The following UBE2QL1 variants were observed in gnomAD, a reference collection of about 807,000 sequenced individuals.
The protein encoded by UBE2QL1 is ubiquitin-conjugating enzyme E2Q-like protein 1.
In UBE2QL1, 5 loss-of-function variants were observed where a neutral mutation model predicts 12.6. The ratio of observed to expected loss-of-function variants is 0.40; its 90% CI spans 0.21 to 0.83. The LOEUF (loss-of-function observed/expected upper bound fraction) is 0.83, where lower values mean the gene tolerates loss of function less well. UBE2QL1 is among the 40% of genes least tolerant of loss of function. The pLI is 0.37. For missense variants in UBE2QL1, 99 were observed against 222.6 expected, an observed-to-expected ratio of 0.44 and a Z score of 3.53; for synonymous variants, 96 against 94.5, an observed-to-expected ratio of 1.02 and a Z score of -0.10.
intron 1 of UBE2QL1, among the ~76,000 whole-genome samples, chr5:6,463,660 C>T (rs2126339035): frequency 6.7e-6 from 1 of 148,542 alleles, no homozygotes; most frequent in East Asian, 2.0e-4. Context: ...CGGAGTCTTG[C>T]TCTGTCGCCC....
chr5:6,452,529 T>G (rs1205122647), intron 1 of UBE2QL1, among the ~76,000 whole-genome samples: 3 of 152,238 alleles, frequency 2.0e-5, no homozygotes, highest in African/African-American at 2.4e-5. Context: ...AAAAGTATAC[T>G]TTTAGATAAT....
intron 1 of UBE2QL1, among the ~76,000 whole-genome samples, chr5:6,464,850 C>T (rs1399532158): frequency 1.3e-5 from 2 of 152,226 alleles, no homozygotes; most frequent in Admixed American, 6.5e-5. Flanking sequence ...ATTCGTAGCT[C>T]TGCAGGGCCA....
rs1413018584 is a variant in UBE2QL1, at chr5:6,492,334, T to A, written c.*985T>A. ...AGTGATCATACGATGATTTGCATGATCGGGTCTATTTCACCCAATAGTCAC... is the reference window on the plus strand; with the variant it reads ...AGTGATCATACGATGATTTGCATGAACGGGTCTATTTCACCCAATAGTCAC... On this transcript the variant is annotated 3_prime_UTR_variant, in exon 2 of 2. Transcript: ENST00000399816. 2.6e-5 allele frequency: 4 copies of A among 152,256 alleles called. No individual in the cohort carries two copies. The East Asian group carries it at 7.7e-4, about 29-fold the overall frequency. The allele number at this position is 152,256 out of a possible 1,614,324, so 9.4% of individuals were successfully genotyped here.
At chr5:6,477,721 G>A (rs1022461040) in intron 1 of UBE2QL1, among the ~76,000 whole-genome samples, 5 of 152,198 alleles carry the variant, frequency 3.3e-5, no homozygotes, top group Non-Finnish European at 5.9e-5. Context: ...GGCTGCAGGC[G>A]GGAATTTCAA....
Position 6,495,353 on chromosome 5 carries a change from G to A in UBE2QL1, c.*4004G>A, listed in dbSNP as rs182231998. On this transcript the variant is annotated 3_prime_UTR_variant, in exon 2 of 2. Coordinates refer to ENST00000399816, the MANE Select transcript of UBE2QL1 (RefSeq NM_001145161.3). ...TTAATGGAATTTGCTTTCTAAAGGG[G>A]CAGAGCTTACTTCCTGACTGTAGTG... 7.2e-5 allele frequency among the ~76,000 whole-genome samples: 11 copies of A among 152,280 alleles called. No individual in the cohort carries two copies. The highest frequency in any genetic ancestry group is 1.3e-4 in the Non-Finnish European group (9 of 68,018).
intron 1 of UBE2QL1, among the ~76,000 whole-genome samples, chr5:6,470,574 C>A (rs535275): frequency 0.1 from 15,603 of 152,190 alleles, 1,223 homozygotes; most frequent in East Asian, 0.3. Context: ...CAGCAGTGGG[C>A]CCATGCTGTT....
chr5:6,494,271 A>C lies in UBE2QL1; in HGVS notation c.*2922A>C, dbSNP rs1176157483. 6.6e-6 allele frequency: 1 copy of C among 152,148 alleles called. No homozygotes were observed. The highest frequency in any genetic ancestry group is 2.4e-5 in the African/African-American group (1 of 41,430). 9.4% of individuals were successfully genotyped at this position (152,148 alleles called of 1,614,324 possible). Reference sequence around the variant, plus strand: ...ACTGAGAACTGCTTATGCCTTAGGGAGTTCTATGTGAGCAGCAAGGTTATT... The same window carrying C: ...ACTGAGAACTGCTTATGCCTTAGGGCGTTCTATGTGAGCAGCAAGGTTATT... On this transcript the variant is annotated 3_prime_UTR_variant, in exon 2 of 2. Coordinates refer to ENST00000399816, the MANE Select transcript of UBE2QL1 (RefSeq NM_001145161.3).
In UBE2QL1 at chr5:6,480,925, A is replaced by T. The variant is rs372850378; in HGVS notation, c.355-10293A>T. 9.2e-5 allele frequency among the ~76,000 whole-genome samples: 14 copies of T among 152,242 alleles called. No homozygotes were observed. In the South Asian group the frequency reaches 2.7e-3, roughly 29 times the overall value. ...TCTGTGGGGTGGCAAGCATTTCATAAACCTCTGGGGGTTACAGGTTGCTCT... is the reference window on the plus strand; with the variant it reads ...TCTGTGGGGTGGCAAGCATTTCATATACCTCTGGGGGTTACAGGTTGCTCT... On this transcript the variant is annotated intron_variant, in intron 1 of 1. Coordinates refer to ENST00000399816, the MANE Select transcript of UBE2QL1 (RefSeq NM_001145161.3).
In UBE2QL1 at chr5:6,475,635, C is replaced by G. The variant is rs541481720; in HGVS notation, c.355-15583C>G. Among the ~76,000 whole-genome samples the G allele has an allele frequency of 4.4e-5, 6 of 135,468 alleles. No homozygotes were observed. In the East Asian group the frequency reaches 1.3e-3, roughly 29 times the overall value. The allele number at this position is 135,468 out of a possible 152,430, so 88.9% of individuals were successfully genotyped here. On this transcript the variant is annotated intron_variant, in intron 1 of 1. Transcript: ENST00000399816. ...GTCTCACTGAGAGCTCTTAATTTAA[C>G]AAGAAACCAGTGTGAGCCAAGGGAA...
intron 1 of UBE2QL1, among the ~76,000 whole-genome samples, chr5:6,491,004 G>A (rs1734556766): frequency 6.6e-6 from 1 of 152,168 alleles, no homozygotes; most frequent in African/African-American, 2.4e-5. Flanking sequence ...TCCCCTAAAA[G>A]GCTGCCAGCC....
intron 1 of UBE2QL1, among the ~76,000 whole-genome samples, chr5:6,471,335 G>A (rs1739909220): frequency 6.6e-6 from 1 of 152,196 alleles, no homozygotes; most frequent in Non-Finnish European, 1.5e-5. Flanking sequence ...ATGCCTGGGT[G>A]CCTCTGGCTC....
chr5:6,490,631 T>A (rs1449475713), intron 1 of UBE2QL1, among the ~76,000 whole-genome samples: 1 of 152,208 alleles, frequency 6.6e-6, no homozygotes, highest in Non-Finnish European at 1.5e-5. Flanking sequence ...GGTGCTGAAG[T>A]GACATGAATT....
rs1734626520 is a variant in UBE2QL1, at chr5:6,494,157, A to C, written c.*2808A>C. On this transcript the variant is annotated 3_prime_UTR_variant, in exon 2 of 2. Transcript: ENST00000399816. ...ATGCAGAACTCCTTCCCGTCCAATA[A>C]TTTTCCTGAACCAATCACCCTTGTT... 1 of 152,104 alleles carries C rather than the reference A, an allele frequency of 6.6e-6. No homozygotes were observed. The highest frequency in any genetic ancestry group is 6.6e-5 in the Admixed American group (1 of 15,258). The allele number at this position is 152,104 out of a possible 1,614,324, so 9.4% of individuals were successfully genotyped here. A position where few individuals can be genotyped will look rare whatever the true frequency, so the allele number is the denominator to read the frequency against.
chr5:6,450,389 A>G (rs1040109593), intron 1 of UBE2QL1, among the ~76,000 whole-genome samples: 2 of 152,166 alleles, frequency 1.3e-5, no homozygotes, highest in African/African-American at 2.4e-5. Context: ...TGAGTGCGTG[A>G]TGGTGTTATC....
At chr5:6,480,602 G>T (rs760836290) in intron 1 of UBE2QL1, among the ~76,000 whole-genome samples, 17 of 152,108 alleles carry the variant, frequency 1.1e-4, no homozygotes, top group Admixed American at 6.5e-5. Context: ...CTTTTTCTGC[G>T]CTTGCTTCCT....
intron 1 of UBE2QL1, among the ~76,000 whole-genome samples, chr5:6,464,256 A>G (rs775462436): frequency 3.9e-5 from 6 of 152,246 alleles, no homozygotes; most frequent in Non-Finnish European, 7.3e-5. Context: ...CTAACCACTC[A>G]GAGAAAATTA....
intron 1 of UBE2QL1, among the ~76,000 whole-genome samples, chr5:6,468,258 C>G (rs1047675863): frequency 1.3e-5 from 2 of 152,190 alleles, no homozygotes; most frequent in African/African-American, 2.4e-5. Context: ...CCTGTTCCCT[C>G]GCTCTGGTTT....
Position 6,491,408 on chromosome 5 carries a change from C to T in UBE2QL1, c.*59C>T. 1.3e-6 allele frequency: 2 copies of T among 1,494,530 alleles called. No individual in the cohort carries two copies. The highest frequency in any genetic ancestry group is 1.8e-6 in the Non-Finnish European group (2 of 1,122,238). The allele number at this position is 1,494,530 out of a possible 1,614,324, so 92.6% of individuals were successfully genotyped here. ...GTCCACACACACACCAGTACCCTGACATCTCCTCAATGCTGTGCATCCTCC... is the reference window on the plus strand; with the variant it reads ...GTCCACACACACACCAGTACCCTGATATCTCCTCAATGCTGTGCATCCTCC... On this transcript the variant is annotated 3_prime_UTR_variant, in exon 2 of 2. Coordinates refer to ENST00000399816, the MANE Select transcript of UBE2QL1 (RefSeq NM_001145161.3).
intron 1 of UBE2QL1, among the ~76,000 whole-genome samples, chr5:6,458,930 C>T (rs567464619): frequency 2.0e-5 from 3 of 152,066 alleles, no homozygotes; most frequent in South Asian, 2.1e-4. Flanking sequence ...TCTCCTGCAG[C>T]GCACATGTGC....
Sources: gnomAD v4.1 joint callset for allele counts (sites outside exome capture counted in the v4.1 genomes callset) on GRCh38, gnomAD v4.1.1 for gene constraint, MANE v1.5 for transcripts, NCBI Gene and HGNC (gene_info 2026-07-23, HGNC 2026-07-21) for gene names.